PRKCB: variants seen among roughly 807,000 people sequenced by gnomAD.
PRKCB encodes protein kinase C beta, also known as protein kinase C beta type.
Under a neutral mutation model 81.5 loss-of-function variants are expected in PRKCB, and 13 were observed. That is an observed-to-expected ratio of 0.16 (90% CI 0.10 to 0.25). The LOEUF is 0.25. PRKCB is among the 10% of genes least tolerant of loss of function. The probability of loss-of-function intolerance (pLI) is 1.00; values close to 1 mark genes in which losing one functional copy is unlikely to be tolerated. For synonymous variants in PRKCB, 335 were observed against 321.4 expected (o/e 1.04, Z -0.45); for missense variants, 509 against 875.7 (o/e 0.58, Z 5.29).
At chr16:23,928,573 G>T (rs1230306365) in intron 2 of PRKCB, among the ~76,000 whole-genome samples, 4 of 152,148 alleles carry the variant, frequency 2.6e-5, no homozygotes, top group Non-Finnish European at 5.9e-5. Context: ...ATCCATCACA[G>T]ACAAGTGACT....
At chr16:23,907,970 G>A (rs1963587862) in intron 2 of PRKCB, among the ~76,000 whole-genome samples, 1 of 152,212 alleles carries the variant, frequency 6.6e-6, no homozygotes, top group Non-Finnish European at 1.5e-5. Context: ...TTTCTTAGGA[G>A]TAAAAGAGTC....
In PRKCB at chr16:24,134,356, G is replaced by C. The variant is rs569953137; in HGVS notation, c.1065+10375G>C. ...CATGGCTATAATCCCAGAGCCTCTA[G>C]AGGCCAAGCCTGGAGGATTGCTTGA... On this transcript the variant is annotated intron_variant, in intron 9 of 16. Transcript: ENST00000643927. Among the ~76,000 whole-genome samples the C allele has an allele frequency of 9.2e-5, 14 of 152,226 alleles. No homozygotes were observed. The South Asian group carries it at 2.9e-3, about 32-fold the overall frequency.
At chr16:23,868,242 C>T (rs1962840557) in intron 2 of PRKCB, among the ~76,000 whole-genome samples, 1 of 152,174 alleles carries the variant, frequency 6.6e-6, no homozygotes, top group African/African-American at 2.4e-5. Context: ...GTCAGGCCAT[C>T]CCTGTGGGAT....
chr16:24,040,841 G>A (rs533001179), intron 5 of PRKCB, among the ~76,000 whole-genome samples: 2 of 152,244 alleles, frequency 1.3e-5, no homozygotes, highest in South Asian at 4.2e-4. Flanking sequence ...ATGTTACTGG[G>A]ACTGAGACCC....
Position 24,217,858 on chromosome 16 carries a change from C to T in PRKCB, c.*3042C>T, listed in dbSNP as rs1968254716. The T allele has an allele frequency of 1.0e-6, 1 of 985,348 alleles. No individual in the cohort carries two copies. The highest frequency in any genetic ancestry group is 1.2e-6 in the Non-Finnish European group (1 of 829,922). The allele number at this position is 985,348 out of a possible 1,614,324, so 61.0% of individuals were successfully genotyped here. ...CTGGAGTTCTCAGACCTTTAGGGGC[C>T]CTAACACAGTTCAGTTCATACAGGG... On this transcript the variant is annotated 3_prime_UTR_variant, in exon 17 of 17. Transcript: ENST00000643927.
At chr16:23,851,975 C>A (rs1962479256) in intron 2 of PRKCB, among the ~76,000 whole-genome samples, 1 of 152,138 alleles carries the variant, frequency 6.6e-6, no homozygotes, top group East Asian at 1.9e-4. Context: ...TTGCATCCTG[C>A]AGTTTTATTG....
At chr16:23,928,420 G>T (rs569280117) in intron 2 of PRKCB, among the ~76,000 whole-genome samples, 92 of 152,234 alleles carry the variant, frequency 6.0e-4, no homozygotes, top group African/African-American at 2.2e-3. Context: ...GAGCCACCGC[G>T]CCCGGCCCAC....
intron 2 of PRKCB, among the ~76,000 whole-genome samples, chr16:23,965,558 T>C (rs1964476488): frequency 6.6e-6 from 1 of 152,216 alleles, no homozygotes; most frequent in South Asian, 2.1e-4. Flanking sequence ...TAATCATCAA[T>C]GATGAATTTC....
At chr16:23,893,862 T>C (rs1284007788) in intron 2 of PRKCB, 1 of 152,276 alleles carries the variant, frequency 6.6e-6, no homozygotes, top group Non-Finnish European at 1.5e-5. Context: ...AATATAGTTG[T>C]ATATTTATCT....
chr16:24,161,991 C>A (rs1421124024), intron 10 of PRKCB, among the ~76,000 whole-genome samples: 1 of 151,900 alleles, frequency 6.6e-6, no homozygotes, highest in African/African-American at 2.4e-5. Context: ...AGCAAAACAT[C>A]TATTTTAACT....
intron 1 of PRKCB, 131 bp from the exon 2 acceptor site, chr16:23,837,244 G>A: frequency 2.6e-6 from 3 of 1,137,904 alleles, no homozygotes; most frequent in Non-Finnish European, 2.7e-6. Flanking sequence ...AGACTCTTGG[G>A]CACCCGCCTG....
At chr16:24,086,442 G>A (rs936115118) in intron 5 of PRKCB, among the ~76,000 whole-genome samples, 1 of 152,182 alleles carries the variant, frequency 6.6e-6, no homozygotes, top group African/African-American at 2.4e-5. Flanking sequence ...AGGATGTCCA[G>A]CTGACCTCAA....
chr16:24,047,272 G>A (rs1459038969), intron 5 of PRKCB, among the ~76,000 whole-genome samples: 1 of 152,198 alleles, frequency 6.6e-6, no homozygotes, highest in African/African-American at 2.4e-5. Context: ...AACCCGGGAG[G>A]CAGAAGTTGC....
chr16:24,096,669 ATATAT>A (rs1966447906), intron 7 of PRKCB, among the ~76,000 whole-genome samples: 10 of 20,434 alleles, frequency 4.9e-4, no homozygotes, highest in African/African-American at 8.1e-4. Context: ...AAAAAAAAAT[ATATAT>A]ATATATATAT....
At chr16:24,070,859 G>A in intron 5 of PRKCB, among the ~76,000 whole-genome samples, 1 of 152,192 alleles carries the variant, frequency 6.6e-6, no homozygotes, top group East Asian at 1.9e-4. Flanking sequence ...AGCAGAACAA[G>A]TAAAGCAAGT....
chr16:23,905,543 T>G (rs2141727289), intron 2 of PRKCB, among the ~76,000 whole-genome samples: 1 of 152,324 alleles, frequency 6.6e-6, no homozygotes, highest in East Asian at 1.9e-4. Flanking sequence ...CCTAAAACAC[T>G]ATTTGTTGTT....
intron 2 of PRKCB, among the ~76,000 whole-genome samples, chr16:23,840,203 G>T (rs1345487779): frequency 6.6e-6 from 1 of 152,156 alleles, no homozygotes; most frequent in Non-Finnish European, 1.5e-5. Context: ...CTTGGTATCA[G>T]ATATTTCCTC....
intron 5 of PRKCB, among the ~76,000 whole-genome samples, chr16:24,049,365 C>G (rs1287009418): frequency 6.9e-6 from 1 of 145,466 alleles, no homozygotes; most frequent in Non-Finnish European, 1.5e-5. Context: ...TAACCACTAC[C>G]CTGGCACACC....
chr16:23,889,193 T>G (rs1225160493), intron 2 of PRKCB, among the ~76,000 whole-genome samples: 2 of 151,914 alleles, frequency 1.3e-5, no homozygotes, highest in Non-Finnish European at 2.9e-5. Context: ...TTCAATGTAG[T>G]GTAATGATTA....
Sources: gnomAD v4.1 joint callset for allele counts (sites outside exome capture counted in the v4.1 genomes callset) on GRCh38, gnomAD v4.1.1 for gene constraint, MANE v1.5 for transcripts, NCBI Gene and HGNC (gene_info 2026-07-23, HGNC 2026-07-21) for gene names.